The following ROBO2 variants were observed in gnomAD, a reference collection of about 807,000 sequenced individuals.
The protein encoded by ROBO2 is roundabout homolog 2.
In ROBO2, 53 loss-of-function variants were observed where a neutral mutation model predicts 160.8. That is an observed-to-expected ratio of 0.33 (90% CI 0.26 to 0.41). ROBO2 has a LOEUF of 0.41. ROBO2 is among the 10% of genes least tolerant of loss of function. The probability of loss-of-function intolerance (pLI) is 1.00; values close to 1 mark genes in which losing one functional copy is unlikely to be tolerated. For missense variants in ROBO2, 1,577 were observed against 1,722.4 expected, an observed-to-expected ratio of 0.92 and a Z score of 1.49; for synonymous variants, 664 against 611.7, an observed-to-expected ratio of 1.09 and a Z score of -1.26.
At chr3:77,459,512 T>C (rs1382946256) in intron 2 of ROBO2, among the ~76,000 whole-genome samples, 1 of 152,202 alleles carries the variant, frequency 6.6e-6, no homozygotes, top group African/African-American at 2.4e-5. Flanking sequence ...TTCCTGCCTT[T>C]GTGGAGCTAG....
In ROBO2 at chr3:77,574,781, G is replaced by A. The variant is rs953034656; in HGVS notation, c.2203+51G>A. On this transcript the variant is annotated intron_variant, in intron 14 of 25. Coordinates refer to ENST00000461745, the Ensembl canonical transcript of ROBO2. Reference sequence around the variant, plus strand: ...ATCAAACATGATGAAACCAATTTCTGTTACAGTACCTATTTGTTATCTTCC... The same window carrying A: ...ATCAAACATGATGAAACCAATTTCTATTACAGTACCTATTTGTTATCTTCC... The A allele has an allele frequency of 3.9e-6, 5 of 1,296,378 alleles. No individual in the cohort carries two copies. In the African/African-American group the frequency reaches 5.9e-5, roughly 15 times the overall value. The allele number at this position is 1,296,378 out of a possible 1,614,324, so 80.3% of individuals were successfully genotyped here.
At chr3:77,029,611 A>G (rs915654811) in intron 2 of ROBO2, among the ~76,000 whole-genome samples, 2 of 152,184 alleles carry the variant, frequency 1.3e-5, no homozygotes, top group Non-Finnish European at 2.9e-5. Flanking sequence ...CCAGGACTGA[A>G]TATTTTCATT....
intron 2 of ROBO2, among the ~76,000 whole-genome samples, chr3:77,008,185 G>T (rs777731889): frequency 6.6e-6 from 1 of 151,850 alleles, no homozygotes; most frequent in Non-Finnish European, 1.5e-5. Context: ...AAAGAAGTTC[G>T]GTTTCTTGAA....
intron 2 of ROBO2, among the ~76,000 whole-genome samples, chr3:76,127,506 G>C (rs1199401687): frequency 1.3e-5 from 2 of 151,590 alleles, no homozygotes; most frequent in African/African-American, 4.8e-5. Context: ...TTATGTCTGT[G>C]ATATAGTTGG....
chr3:77,412,133 A>C, intron 2 of ROBO2, among the ~76,000 whole-genome samples: 1 of 147,142 alleles, frequency 6.8e-6, no homozygotes, highest in East Asian at 2.2e-4. Flanking sequence ...CGGTTCTAAA[A>C]GTACCCCAGG....
chr3:77,353,541 C>T (rs929555936), intron 2 of ROBO2, among the ~76,000 whole-genome samples: 3 of 151,994 alleles, frequency 2.0e-5, no homozygotes, highest in East Asian at 1.9e-4. Context: ...GATGGAGTCT[C>T]TCTCTGTTGC....
At chr3:76,398,664 A>G (rs1026999877) in intron 2 of ROBO2, among the ~76,000 whole-genome samples, 4 of 151,748 alleles carry the variant, frequency 2.6e-5, no homozygotes, top group South Asian at 2.1e-4. Flanking sequence ...TTTAAACTAA[A>G]TATACTAGTA....
Position 76,812,909 on chromosome 3 carries a change from A to ATTTTTTTTTTTTT in ROBO2, c.110-285091_110-285079dup, listed in dbSNP as rs71104626. Among the ~76,000 whole-genome samples the ATTTTTTTTTTTTT allele has an allele frequency of 1.8e-3, 193 of 104,650 alleles. 7 individuals are homozygous for ATTTTTTTTTTTTT. The highest frequency in any genetic ancestry group is 6.6e-3 in the African/African-American group (182 of 27,536). 68.7% of individuals were successfully genotyped at this position (104,650 alleles called of 152,430 possible). ...AAAGTGTCCTGGCACAGAAGTATAA[A>ATTTTTTTTTTTTT]TTTTTTTTTTTTTTTTTTTTTTTTT... On this transcript the variant is annotated intron_variant, in intron 2 of 26. Transcript: ENST00000487694.
intron 1 of ROBO2, among the ~76,000 whole-genome samples, chr3:77,041,567 C>G (rs1344885359): frequency 6.6e-6 from 1 of 152,122 alleles, no homozygotes; most frequent in Non-Finnish European, 1.5e-5. Flanking sequence ...CTCTGATTCT[C>G]TTGTCTTTTG....
At position 77,407,997 on chromosome 3, in the gene ROBO2, C is replaced by T. The variant is rs571753840; in HGVS notation, c.389-69417C>T. On this transcript the variant is annotated intron_variant, in intron 2 of 25. Transcript: ENST00000461745. Reference sequence around the variant, plus strand: ...TTTGATTATGCTGGAAAGGTGCATGCACTTCCCAAGAAAATAATATTTCTT... The same window carrying T: ...TTTGATTATGCTGGAAAGGTGCATGTACTTCCCAAGAAAATAATATTTCTT... 3.9e-5 allele frequency among the ~76,000 whole-genome samples: 6 copies of T among 151,952 alleles called. No homozygotes were observed. The South Asian group carries it at 1.2e-3, about 32-fold the overall frequency.
At chr3:76,198,071 G>A (rs924166659) in intron 2 of ROBO2, among the ~76,000 whole-genome samples, 13 of 152,138 alleles carry the variant, frequency 8.5e-5, no homozygotes, top group Admixed American at 7.2e-4. Flanking sequence ...CCTCTAGGCC[G>A]AGAGTTTTCC....
At chr3:76,666,016 TTATATATTA>T (rs1435276938) in intron 2 of ROBO2, among the ~76,000 whole-genome samples, 25 of 122,124 alleles carry the variant, frequency 2.0e-4, no homozygotes, top group South Asian at 4.6e-4. Flanking sequence ...TATATACATA[TTATATATTA>T]TATATATTAT....
chr3:77,291,300 G>C (rs1200010572), intron 2 of ROBO2, among the ~76,000 whole-genome samples: 1 of 151,914 alleles, frequency 6.6e-6, no homozygotes, highest in Non-Finnish European at 1.5e-5. Context: ...AAGCAAAATT[G>C]ACGGTTAACC....
chr3:77,644,155 G>A (rs937554390), intron 24 of ROBO2, among the ~76,000 whole-genome samples: 21 of 151,990 alleles, frequency 1.4e-4, no homozygotes, highest in African/African-American at 4.8e-4. Flanking sequence ...TTATTTAAAT[G>A]TGTGAGTTTC....
chr3:77,122,239 G>A (rs182856440), intron 2 of ROBO2, among the ~76,000 whole-genome samples: 106 of 152,274 alleles, frequency 7.0e-4, no homozygotes, highest in African/African-American at 2.4e-3. Flanking sequence ...GTGTGTGTGT[G>A]TTTATGTCTA....
chr3:77,239,379 G>A (rs1031561349), intron 2 of ROBO2, among the ~76,000 whole-genome samples: 3 of 152,178 alleles, frequency 2.0e-5, no homozygotes, highest in African/African-American at 7.2e-5. Flanking sequence ...CCTGGCCTCA[G>A]GAGTGAAGCT....
intron 1 of ROBO2, among the ~76,000 whole-genome samples, chr3:75,911,605 T>A (rs1946591973): frequency 7.5e-6 from 1 of 132,512 alleles, no homozygotes; most frequent in Non-Finnish European, 1.6e-5. Flanking sequence ...TCGCCCAGGC[T>A]GGAGTGCAGT....
chr3:76,222,127 A>C (rs1704005723), intron 2 of ROBO2, among the ~76,000 whole-genome samples: 1 of 152,060 alleles, frequency 6.6e-6, no homozygotes, highest in South Asian at 2.1e-4. Flanking sequence ...CATAACCTTC[A>C]TCCCTGCCAC....
At position 77,237,146 on chromosome 3, in the gene ROBO2, T is replaced by A. The variant is rs371436488; in HGVS notation, c.388+138806T>A. On this transcript the variant is annotated intron_variant, in intron 2 of 25. Transcript: ENST00000461745. ...CCTTAGACTCCCAAAGTGCTGGGCTTATAGGAGTGACCATCATGCCTGGCC... is the reference window on the plus strand; with the variant it reads ...CCTTAGACTCCCAAAGTGCTGGGCTAATAGGAGTGACCATCATGCCTGGCC... Among the ~76,000 whole-genome samples the A allele has an allele frequency of 4.6e-5, 7 of 151,944 alleles. No individual in the cohort carries two copies. In the South Asian group the frequency reaches 1.2e-3, roughly 27 times the overall value.
Sources: gnomAD v4.1 joint callset for allele counts (sites outside exome capture counted in the v4.1 genomes callset) on GRCh38, gnomAD v4.1.1 for gene constraint, MANE v1.5 for transcripts, NCBI Gene and HGNC (gene_info 2026-07-23, HGNC 2026-07-21) for gene names.